Variants in RNF220 observed in about 807,000 individuals in gnomAD.
The protein encoded by RNF220 is E3 ubiquitin-protein ligase RNF220.
RNF220 carries 7 observed loss-of-function variants against 67.1 expected under a neutral mutation model. That is an observed-to-expected ratio of 0.10 (90% CI 0.06 to 0.20). The LOEUF (loss-of-function observed/expected upper bound fraction) is 0.20, where lower values mean the gene tolerates loss of function less well. RNF220 is among the 10% of genes least tolerant of loss of function. The pLI, the probability that RNF220 is intolerant of heterozygous loss-of-function variation, is 1.00. For synonymous variants in RNF220, 270 were observed against 283.2 expected, an observed-to-expected ratio of 0.95 and a Z score of 0.47; for missense variants, 565 against 740.3, an observed-to-expected ratio of 0.76 and a Z score of 2.75.
At chr1:44,544,177 G>C (rs545288674) in intron 2 of RNF220, among the ~76,000 whole-genome samples, 4 of 152,202 alleles carry the variant, frequency 2.6e-5, no homozygotes, top group Admixed American at 2.6e-4. Flanking sequence ...GAACTGGAGC[G>C]GGGGTGGGAG....
chr1:44,637,709 T>C (rs1644368563), intron 8 of RNF220, among the ~76,000 whole-genome samples: 1 of 152,230 alleles, frequency 6.6e-6, no homozygotes, highest in South Asian at 2.1e-4. Flanking sequence ...TGTGAGGGGC[T>C]CTTAGGCCCC....
intron 1 of RNF220, among the ~76,000 whole-genome samples, chr1:44,407,867 G>T (rs1023783081): frequency 1.3e-5 from 2 of 152,178 alleles, no homozygotes; most frequent in Non-Finnish European, 2.9e-5. Context: ...GCTGCTCGGG[G>T]GCTGGAGGTC....
At chr1:44,500,911 G>A (rs1342776334) in intron 2 of RNF220, among the ~76,000 whole-genome samples, 2 of 152,214 alleles carry the variant, frequency 1.3e-5, no homozygotes, top group Non-Finnish European at 2.9e-5. Context: ...AGCCAGGGGC[G>A]AAGCACCCTT....
intron 2 of RNF220, among the ~76,000 whole-genome samples, chr1:44,538,249 C>T (rs1469753932): frequency 6.6e-6 from 1 of 152,206 alleles, no homozygotes; most frequent in African/African-American, 2.4e-5. Context: ...TCAGCCAGCT[C>T]TGTATCTACT....
intron 2 of RNF220, among the ~76,000 whole-genome samples, chr1:44,572,722 CTCAAGAGTAGCTTTTGATA>C (rs1193602738): frequency 6.6e-6 from 1 of 152,122 alleles, no homozygotes. Flanking sequence ...GACTCATTGC[CTCAAGAGTAGCTTTTGATA>C]TCTGCCATCA....
At chr1:44,450,014 C>A (rs1652504047) in intron 2 of RNF220, among the ~76,000 whole-genome samples, 1 of 152,156 alleles carries the variant, frequency 6.6e-6, no homozygotes. Flanking sequence ...GAGTTCGAGA[C>A]CAGCCTGACC....
intron 2 of RNF220, among the ~76,000 whole-genome samples, chr1:44,528,324 G>A (rs1183828425): frequency 2.0e-5 from 3 of 149,406 alleles, no homozygotes; most frequent in South Asian, 2.1e-4. Context: ...TTTTTGAGAC[G>A]GAGTCTCACT....
intron 2 of RNF220, among the ~76,000 whole-genome samples, chr1:44,528,379 C>T (rs190032530): frequency 0.012 from 1,847 of 152,020 alleles, 15 homozygotes; most frequent in Non-Finnish European, 0.016. Flanking sequence ...CGGCTCACTG[C>T]AAGCTCCGTC....
intron 2 of RNF220, among the ~76,000 whole-genome samples, chr1:44,461,109 A>G (rs1021250041): frequency 3.3e-5 from 5 of 152,180 alleles, no homozygotes; most frequent in Non-Finnish European, 1.5e-5. Flanking sequence ...TTTCAGCACT[A>G]TTGTATCCCT....
At chr1:44,516,821 A>C (rs192825887) in intron 2 of RNF220, among the ~76,000 whole-genome samples, 51 of 152,186 alleles carry the variant, frequency 3.4e-4, no homozygotes, top group Admixed American at 1.9e-3. Flanking sequence ...TCCTGTCCCC[A>C]TTCTCATGCT....
In RNF220 at chr1:44,650,565, T is replaced by C; in HGVS notation, c.1630-139T>C. ...TGCCTGCCTGCTCACAGAAGCTGCCTATGCGTCCCCAGCCTGGGCTGACAG... is the reference window on the plus strand; with the variant it reads ...TGCCTGCCTGCTCACAGAAGCTGCCCATGCGTCCCCAGCCTGGGCTGACAG... On this transcript the variant is annotated intron_variant, in intron 14 of 14. Coordinates refer to ENST00000361799, the MANE Select transcript of RNF220 (RefSeq NM_018150.4). This position sits in a 1 kb window ranked among gnomAD's most constrained non-coding sequence, Gnocchi z 4.3. 1.2e-6 allele frequency: 1 copy of C among 851,650 alleles called. No individual in the cohort carries two copies. The highest frequency in any genetic ancestry group is 1.9e-6 in the Non-Finnish European group (1 of 531,920). 52.8% of individuals were successfully genotyped at this position (851,650 alleles called of 1,614,324 possible).
At chr1:44,617,696 T>G (rs935080988) in intron 3 of RNF220, among the ~76,000 whole-genome samples, 7 of 152,052 alleles carry the variant, frequency 4.6e-5, no homozygotes, top group Non-Finnish European at 1.0e-4. Flanking sequence ...CACCATCAGC[T>G]CCCTGAGCAG....
intron 2 of RNF220, among the ~76,000 whole-genome samples, chr1:44,505,537 G>C (rs1658337721): frequency 6.6e-6 from 1 of 152,222 alleles, no homozygotes; most frequent in African/African-American, 2.4e-5. Context: ...AGCTCTGCAT[G>C]GACTGCTCGC....
intron 2 of RNF220, among the ~76,000 whole-genome samples, chr1:44,509,286 C>T (rs1380293051): frequency 3.9e-5 from 6 of 152,272 alleles, no homozygotes; most frequent in South Asian, 4.1e-4. Flanking sequence ...TGTGGTGGCT[C>T]ACGCCTGTAA....
Position 44,632,400 on chromosome 1 carries a change from G to GCCCCAGCCCCCCCCCCCCCCCC in RNF220, c.949+19_949+20insAGCCCCCCCCCCCCCCCCCCCC. 1 of 1,607,452 alleles carries GCCCCAGCCCCCCCCCCCCCCCC rather than the reference G, an allele frequency of 6.2e-7. No individual in the cohort carries two copies. The highest frequency in any genetic ancestry group is 8.5e-7 in the Non-Finnish European group (1 of 1,177,492). On this transcript the variant is annotated intron_variant, in intron 6 of 14. Coordinates refer to ENST00000361799, the MANE Select transcript of RNF220 (RefSeq NM_018150.4). ...CCGACTGAATGGTGAGTCCTGCCCG[G>GCCCCAGCCCCCCCCCCCCCCCC]CCCCTCCCTCCGCCCCACCCCCGGC...
chr1:44,415,469 G>A (rs758928108), intron 2 of RNF220, among the ~76,000 whole-genome samples: 1 of 151,248 alleles, frequency 6.6e-6, no homozygotes, highest in Non-Finnish European at 1.5e-5. Context: ...CAGTGCTTTC[G>A]CCAGATTGCC....
At chr1:44,501,584 G>A (rs1043005239) in intron 2 of RNF220, among the ~76,000 whole-genome samples, 2 of 144,782 alleles carry the variant, frequency 1.4e-5, no homozygotes, top group South Asian at 2.1e-4. Flanking sequence ...AAAGCAATGC[G>A]GCCAAGCAGG....
At chr1:44,503,797 C>T (rs1446303889) in intron 2 of RNF220, among the ~76,000 whole-genome samples, 1 of 152,176 alleles carries the variant, frequency 6.6e-6, no homozygotes, top group Non-Finnish European at 1.5e-5. Context: ...CCTCAGGCGC[C>T]ACCCTAGGCC....
intron 2 of RNF220, among the ~76,000 whole-genome samples, chr1:44,501,690 C>T (rs150158651): frequency 2.0e-5 from 3 of 152,124 alleles, no homozygotes; most frequent in Non-Finnish European, 4.4e-5. Context: ...TCCGTTTCTA[C>T]TCCACCCAAG....
Sources: gnomAD v4.1 joint callset for allele counts (sites outside exome capture counted in the v4.1 genomes callset) on GRCh38, gnomAD v4.1.1 for gene constraint, Gnocchi (gnomAD v3.1) non-coding constraint, MANE v1.5 for transcripts, NCBI Gene and HGNC (gene_info 2026-07-23, HGNC 2026-07-21) for gene names.